The following KDM6B variants were observed in gnomAD, a reference collection of about 807,000 sequenced individuals.
KDM6B encodes the protein lysine-specific demethylase 6B.
In KDM6B, 22 loss-of-function variants were observed where a neutral mutation model predicts 150.4. That is an observed-to-expected ratio of 0.15 (90% CI 0.10 to 0.21). KDM6B has a LOEUF of 0.21. KDM6B is among the 10% of genes least tolerant of loss of function. The probability of loss-of-function intolerance (pLI) is 1.00; values close to 1 mark genes in which losing one functional copy is unlikely to be tolerated. For missense variants in KDM6B, 1,984 were observed against 2,234.3 expected, an observed-to-expected ratio of 0.89 and a Z score of 2.26; for synonymous variants, 1,148 against 921.1, an observed-to-expected ratio of 1.25 and a Z score of -4.46.
intron 1 of KDM6B, among the ~76,000 whole-genome samples, chr17:7,835,865 C>T (rs963089652): frequency 1.2e-4 from 18 of 152,108 alleles, no homozygotes; most frequent in Admixed American, 4.6e-4. Flanking sequence ...TCTTCAGCCC[C>T]TGGGGACCCA....
intron 7 of KDM6B, 30 bp from the exon 8 acceptor site, chr17:7,846,370 T>TGGGGGGGG: frequency 2.0e-6 from 3 of 1,501,914 alleles, no homozygotes; most frequent in Non-Finnish European, 1.8e-6. Flanking sequence ...ACCTGACATC[T>TGGGGGGGG]GCCCCTGCCC....
In KDM6B at chr17:7,853,538, C is replaced by CGCCT. The variant is rs757314591; in HGVS notation, c.*25_*28dup. 9 of 1,437,612 alleles carry CGCCT rather than the reference C, an allele frequency of 6.3e-6. No homozygotes were observed. The highest frequency in any genetic ancestry group is 2.5e-4 in the Middle Eastern group (1 of 4,006). 89.1% of individuals were successfully genotyped at this position (1,437,612 alleles called of 1,614,324 possible). ...TCGCGATGAGGCCGGACGCCCCGCC[C>CGCCT]GCCTGCCTGCCCGCGCAAGGCGCCG... On this transcript the variant is annotated 3_prime_UTR_variant, in exon 24 of 24. Transcript: ENST00000448097.
chr17:7,851,287 G>C (rs753868904), intron 15 of KDM6B, 43 bp from the exon 16 acceptor site: 3 of 1,613,652 alleles, frequency 1.9e-6, no homozygotes, highest in Non-Finnish European at 2.5e-6. Flanking sequence ...GAGGGCTCTC[G>C]AAAGGTCTCT....
chr17:7,847,867 G>T lies in KDM6B; in HGVS notation c.1579G>T (p.Gly527Trp). 1 of 1,581,174 alleles carries T rather than the reference G, an allele frequency of 6.3e-7. No homozygotes were observed. The highest frequency in any genetic ancestry group is 8.6e-7 in the Non-Finnish European group (1 of 1,163,696). ...CCTCCCCCATCGCGAGGGCTTCTTG[G>T]GGCCTCCGGCCTCCCGCTTTTCTGT... The part of the protein sequence containing the change: ...PPLPHREGFL[G>W]PPASRFSVGT... Residue 527 changes from glycine to tryptophan, a missense_variant, in exon 12 of 24, where the codon GGG (glycine) becomes TGG (tryptophan). Physicochemically the swap from Gly to Trp is radical, Grantham distance 184. Transcript: ENST00000448097.
intron 1 of KDM6B, among the ~76,000 whole-genome samples, chr17:7,835,611 CT>C (rs1451494938): frequency 6.6e-6 from 1 of 152,052 alleles, no homozygotes; most frequent in Non-Finnish European, 1.5e-5. Flanking sequence ...GCGGTCGGCC[CT>C]GACGTCAGGG....
chr17:7,851,747 C>G lies in KDM6B; in HGVS notation c.4116C>G (p.Gly1372=). 1 of 1,556,814 alleles carries G rather than the reference C, an allele frequency of 6.4e-7. No individual in the cohort carries two copies. Among genetic ancestry groups the G allele is most frequent in the South Asian group, 1.2e-5 (1 of 85,374 alleles). ...MLSHVGHTIL[G]MNTVQLYMKV... ...GCCACGTGGGCCACACCATCCTGGG[C>G]ATGAACACGGTGCAGCTGTACATGA... The change falls in exon 18 of 24, where the codon GGC becomes GGG. Residue 1372 remains glycine, a synonymous_variant. Coordinates refer to ENST00000448097, the MANE Select transcript of KDM6B (RefSeq NM_001348716.2).
rs2078452407 is a variant in KDM6B, at chr17:7,843,147, G to T, written c.-268-1754G>T. 6.6e-6 allele frequency among the ~76,000 whole-genome samples: 1 copy of T among 152,166 alleles called. No homozygotes were observed. The highest frequency in any genetic ancestry group is 6.5e-5 in the Admixed American group (1 of 15,278). ...TGTCATCATCGCCGAAGGGGAAGCT[G>T]CCTTTCCTGGTAACTGGCGGCGCTC... On this transcript the variant is annotated intron_variant, in intron 2 of 23. Coordinates refer to ENST00000448097, the MANE Select transcript of KDM6B (RefSeq NM_001348716.2). This position sits in a 1 kb window ranked among gnomAD's most constrained non-coding sequence, Gnocchi z 4.5.
At position 7,848,810 on chromosome 17, in the gene KDM6B, C is replaced by T; in HGVS notation, c.2522C>T (p.Pro841Leu). ...PLPTTQYSPG[P>L]PSGATALPPT... is the part of the protein sequence containing the mutation. ...CCCACCACTCAGTATTCCCCTGGCC[C>T]CCCATCAGGTGCTACCGCCCTGCCG... Residue 841 changes from proline (P) to leucine (L), a missense_variant, in exon 12 of 24, where the codon CCC becomes CTC. Physicochemically the swap from Pro to Leu is moderately conservative, Grantham distance 98. Transcript: ENST00000448097. 2 of 1,612,772 alleles carry T rather than the reference C, an allele frequency of 1.2e-6. No homozygotes were observed. Among genetic ancestry groups the T allele is most frequent in the South Asian group, 1.1e-5 (1 of 91,090 alleles).
rs1262290578 is a variant in KDM6B at position 7,847,407 on chromosome 17, C to T, written c.1212C>T (p.Ser404=). The change falls in exon 11 of 24, where the codon AGC becomes AGT. Residue 404 remains serine, a synonymous_variant. Coordinates refer to ENST00000448097, the MANE Select transcript of KDM6B (RefSeq NM_001348716.2). ...CCACCACCAGCAGCAGCAGTAGCAGCAGCAGCAACACTGGTCTCCGGGGCG... is the reference window on the plus strand; with the variant it reads ...CCACCACCAGCAGCAGCAGTAGCAGTAGCAGCAACACTGGTCTCCGGGGCG... ...PGTTTSSSSS[S]SSNTGLRGVE... 5 of 1,613,612 alleles carry T rather than the reference C, an allele frequency of 3.1e-6. No homozygotes were observed. The highest frequency in any genetic ancestry group is 4.2e-6 in the Non-Finnish European group (5 of 1,179,960).
rs916640066 is a variant in KDM6B at position 7,854,140 on chromosome 17, C to T, written c.*619C>T. The T allele has an allele frequency of 6.6e-6, 1 of 152,514 alleles. No homozygotes were observed. The highest frequency in any genetic ancestry group is 1.5e-5 in the Non-Finnish European group (1 of 68,064). 9.4% of individuals were successfully genotyped at this position (152,514 alleles called of 1,614,324 possible). A position where few individuals can be genotyped will look rare whatever the true frequency, so the allele number is the denominator to read the frequency against. On this transcript the variant is annotated 3_prime_UTR_variant, in exon 24 of 24. Transcript: ENST00000448097. ...TTGGGAAAACCCGACCTCCCACACC[C>T]CCAAGCCATCCTGCCCGCCCCTCCA...
chr17:7,849,042 C>T lies in KDM6B; in HGVS notation c.2754C>T (p.Ser918=). 1 of 1,610,896 alleles carries T rather than the reference C, an allele frequency of 6.2e-7. No homozygotes were observed. Among genetic ancestry groups the T allele is most frequent in the Non-Finnish European group, 8.5e-7 (1 of 1,179,252 alleles). Residue 918 remains serine, a synonymous_variant, in exon 12 of 24, where the codon AGC becomes AGT. Transcript: ENST00000448097. Reference sequence around the variant, plus strand: ...AGTCTGAGGTGCTAGAAGAGATCAGCCGGGCTTGCGAGACCCTTGTGGAGC... The same window carrying T: ...AGTCTGAGGTGCTAGAAGAGATCAGTCGGGCTTGCGAGACCCTTGTGGAGC... ...RSESEVLEEI[S]RACETLVERV... is the part of the protein sequence containing the mutation.
Position 7,848,785 on chromosome 17 carries a change from C to T in KDM6B, c.2497C>T (p.Pro833Ser). 6.2e-7 allele frequency: 1 copy of T among 1,612,836 alleles called. No homozygotes were observed. Among genetic ancestry groups the T allele is most frequent in the African/African-American group, 1.3e-5 (1 of 75,048 alleles). Residue 833 changes from proline to serine, a missense_variant, in exon 12 of 24, where the codon CCC (proline) becomes TCC (serine). Physicochemically the swap from Pro to Ser is moderately conservative, Grantham distance 74. This residue lies in a region of KDM6B where 1,379 missense variants were observed against 1,275.6 expected (regional missense o/e 1.08). Coordinates refer to ENST00000448097, the MANE Select transcript of KDM6B (RefSeq NM_001348716.2). ...TGTTTCCACCCGGCCTGGGCCCTTG[C>T]CCACCACTCAGTATTCCCCTGGCCC... ...AAVSTRPGPL[P>S]TTQYSPGPPS...
intron 5 of KDM6B, 26 bp from the exon 6 acceptor site, chr17:7,845,846 A>G (rs759228425): frequency 1.2e-6 from 2 of 1,606,014 alleles, no homozygotes; most frequent in East Asian, 2.2e-5. Context: ...TTTTTGCCGT[A>G]TATAACAGAC....
At chr17:7,841,966 G>A (rs1267557650) in intron 2 of KDM6B, among the ~76,000 whole-genome samples, 1 of 152,236 alleles carries the variant, frequency 6.6e-6, no homozygotes, top group Non-Finnish European at 1.5e-5. Context: ...GGACGGGCAG[G>A]GAGCGGGTTG....
Position 7,847,098 on chromosome 17 carries a change from C to G in KDM6B, c.910-7C>G, listed in dbSNP as rs11870799. The G allele has an allele frequency of 1.9e-6, 3 of 1,612,428 alleles. No homozygotes were observed. The South Asian group carries it at 3.3e-5, about 18-fold the overall frequency. ...CCTCATCCTGCATCCCTGTTTATCT[C>G]CTATAGGAGCAGCGGCACTCGCTGC... On this transcript the variant is annotated splice_polypyrimidine_tract_variant and splice_region_variant and intron_variant, in intron 10 of 23. Coordinates refer to ENST00000448097, the MANE Select transcript of KDM6B (RefSeq NM_001348716.2).
In KDM6B at chr17:7,845,306, C is replaced by T. The variant is rs1323479693; in HGVS notation, c.-148-8C>T. 1 of 604,374 alleles carries T rather than the reference C, an allele frequency of 1.7e-6. No individual in the cohort carries two copies. 37.4% of individuals were successfully genotyped at this position (604,374 alleles called of 1,614,324 possible). A position where few individuals can be genotyped will look rare whatever the true frequency, so the allele number is the denominator to read the frequency against. Reference sequence around the variant, plus strand: ...CCAGCTCGTCTCACTCCTTTTCCTTCTCTCTAGAATTGGCTGTGAAAGGAC... The same window carrying T: ...CCAGCTCGTCTCACTCCTTTTCCTTTTCTCTAGAATTGGCTGTGAAAGGAC... On this transcript the variant is annotated splice_region_variant and splice_polypyrimidine_tract_variant and intron_variant, in intron 3 of 23. Transcript: ENST00000448097.
Position 7,849,099 on chromosome 17 carries a change from C to A in KDM6B, c.2811C>A (p.Asp937Glu). ...RVGRSATDPA[D>E]PVDTAEPADS... ...GCCGGAGTGCCACTGACCCAGCCGA[C>A]CCAGTGGACACAGCAGAGCCAGCGG... The change falls in exon 12 of 24, where the codon GAC becomes GAA. Residue 937 changes from aspartate to glutamate, a missense_variant. Physicochemically the swap from Asp to Glu is conservative, Grantham distance 45. Coordinates refer to ENST00000448097, the MANE Select transcript of KDM6B (RefSeq NM_001348716.2). 6.2e-7 allele frequency: 1 copy of A among 1,612,502 alleles called. No individual in the cohort carries two copies. Among genetic ancestry groups the A allele is most frequent in the South Asian group, 1.1e-5 (1 of 91,072 alleles).
chr17:7,847,087 CCT>C lies in KDM6B; in HGVS notation c.910-17_910-16del. ...CGCTCTCTATTCCTCATCCTGCATC[CCT>C]GTTTATCTCCTATAGGAGCAGCGGC... On this transcript the variant is annotated splice_polypyrimidine_tract_variant and intron_variant, in intron 10 of 23. Transcript: ENST00000448097. The C allele has an allele frequency of 1.2e-6, 2 of 1,611,788 alleles. No homozygotes were observed. Among genetic ancestry groups the C allele is most frequent in the Non-Finnish European group, 1.7e-6 (2 of 1,178,422 alleles).
chr17:7,851,360 G>A lies in KDM6B; in HGVS notation c.3910G>A (p.Glu1304Lys). ...GAAGGAGAGTGAGGATGAGGAGTCA[G>A]AGGAGCCAGACAGCACCACTGGAAC... ...EEKESEDEES[E>K]EPDSTTGTPP... The change falls in exon 16 of 24, where the codon GAG becomes AAG. Residue 1304 changes from glutamate to lysine, a missense_variant. Coordinates refer to ENST00000448097, the MANE Select transcript of KDM6B (RefSeq NM_001348716.2). 1 of 1,614,194 alleles carries A rather than the reference G, an allele frequency of 6.2e-7. No individual in the cohort carries two copies. The highest frequency in any genetic ancestry group is 8.5e-7 in the Non-Finnish European group (1 of 1,180,032).
Sources: gnomAD v4.1 joint callset for allele counts (sites outside exome capture counted in the v4.1 genomes callset) on GRCh38, gnomAD v4.1.1 for gene constraint, gnomAD v4.1.1 regional missense constraint, Gnocchi (gnomAD v3.1) non-coding constraint, MANE v1.5 for transcripts, NCBI Gene and HGNC (gene_info 2026-07-23, HGNC 2026-07-21) for gene names.